DMXL2: variants seen among roughly 807,000 people sequenced by gnomAD.
DMXL2 encodes the protein Dmx like 2, also known as dmX-like protein 2.
DMXL2 carries 103 observed loss-of-function variants against 331.1 expected under a neutral mutation model. The ratio of observed to expected loss-of-function variants is 0.31; its 90% confidence interval spans 0.27 to 0.37. The LOEUF is 0.37. DMXL2 is among the 10% of genes least tolerant of loss of function. The probability of loss-of-function intolerance (pLI) is 1.00; values close to 1 mark genes in which losing one functional copy is unlikely to be tolerated. For missense variants in DMXL2, 3,171 were observed against 3,642.9 expected, an observed-to-expected ratio of 0.87 and a Z score of 3.33; for synonymous variants, 1,281 against 1,252.1, an observed-to-expected ratio of 1.02 and a Z score of -0.49.
intron 40 of DMXL2, among the ~76,000 whole-genome samples, chr15:51,454,802 A>T (rs1449250996): frequency 1.3e-5 from 2 of 152,088 alleles, no homozygotes; most frequent in African/African-American, 4.8e-5. Flanking sequence ...GCAGAACCTG[A>T]TTCTTAATGA....
intron 13 of DMXL2, among the ~76,000 whole-genome samples, chr15:51,529,194 T>TTA (rs2140819701): frequency 6.6e-6 from 1 of 152,006 alleles, no homozygotes; most frequent in African/African-American, 2.4e-5. Context: ...ACGATGACTC[T>TTA]TAAAGAACTA....
Position 51,564,164 on chromosome 15 carries a change from G to A in DMXL2, c.461C>T (p.Pro154Leu). Residue 154 changes from proline to leucine, a missense_variant, in exon 5 of 44, where the codon CCT becomes CTT. Around this residue, in one of 7 missense-constraint regions of DMXL2, gnomAD observed 1,674 missense variants for 1,780.2 expected, o/e 0.94. Transcript: ENST00000560891. The stretch of plus-strand genomic sequence containing the variant: ...ACACTTCCAATCATTTAAAACAGGA[G>A]GAACTGTATTATCAATTTCTTCCTC... ...EEEEEIDNTV[P>L]PVLNDWKCVW... The A allele has an allele frequency of 6.2e-7, 1 of 1,606,116 alleles. No homozygotes were observed.
At chr15:51,494,734 T>A (rs1014491766) in intron 19 of DMXL2, among the ~76,000 whole-genome samples, 6 of 152,196 alleles carry the variant, frequency 3.9e-5, no homozygotes, top group African/African-American at 1.4e-4. Flanking sequence ...AGGGCTACTC[T>A]GTAGACAGCC....
intron 6 of DMXL2, among the ~76,000 whole-genome samples, chr15:51,562,651 G>C (rs2050042353): frequency 1.3e-5 from 2 of 151,530 alleles, no homozygotes; most frequent in African/African-American, 4.8e-5. Context: ...TAGGTATATA[G>C]AAAAAAAAGC....
Position 51,590,508 on chromosome 15 carries a change from A to G in DMXL2, c.88-14327T>C, listed in dbSNP as rs141026911. Among the ~76,000 whole-genome samples the G allele has an allele frequency of 9.6e-3, 1,457 of 152,238 alleles. 20 individuals are homozygous for G. The highest frequency in any genetic ancestry group is 0.034 in the African/African-American group (1,401 of 41,524). On this transcript the variant is annotated intron_variant, in intron 1 of 43. Coordinates refer to ENST00000560891, the MANE Select transcript of DMXL2 (RefSeq NM_001378457.1). ...AGATTTGTCTACTATTCTCTTTTCT[A>G]TATCCTTACAATAAATTTCCCATTA...
At position 51,471,378 on chromosome 15, in the gene DMXL2, T is replaced by A. The variant is rs1405418443; in HGVS notation, c.7237A>T (p.Ile2413Leu). 1 of 1,612,772 alleles carries A rather than the reference T, an allele frequency of 6.2e-7. No homozygotes were observed. The highest frequency in any genetic ancestry group is 2.2e-5 in the East Asian group (1 of 44,850). ...ISAPPVLSED[I>L]DKHRRRFNMR... ...TTAAATCTCCTACGGTGTTTATCTA[T>A]GTCTTCAGAAAGGACAGGAGGTGCT... The change falls in exon 29 of 44, where the codon ATA (isoleucine) becomes TTA (leucine). Residue 2413 changes from isoleucine to leucine, a missense_variant. Around this residue, in one of 7 missense-constraint regions of DMXL2, gnomAD observed 766 missense variants for 940.5 expected, o/e 0.81. Coordinates refer to ENST00000560891, the MANE Select transcript of DMXL2 (RefSeq NM_001378457.1).
In DMXL2 at chr15:51,495,624, CTAGT is replaced by C. The variant is rs376714609; in HGVS notation, c.4673-494_4673-491del. ...AAGATTTAAAATTTGAATACCCAGGCTAGTTAGTGTTACATGGTTAGTTTGAACC... is the reference window on the plus strand; with the variant it reads ...AAGATTTAAAATTTGAATACCCAGGCTAGTGTTACATGGTTAGTTTGAACC... On this transcript the variant is annotated intron_variant, in intron 18 of 43. Transcript: ENST00000560891. Among the ~76,000 whole-genome samples, 72 of 152,234 alleles carry C rather than the reference CTAGT, an allele frequency of 4.7e-4. No homozygotes were observed. In the East Asian group the frequency reaches 0.012, roughly 25 times the overall value.
At chr15:51,461,320 C>T (rs753705086) in intron 33 of DMXL2, among the ~76,000 whole-genome samples, 10 of 152,042 alleles carry the variant, frequency 6.6e-5, no homozygotes, top group African/African-American at 9.7e-5. Context: ...GAAGCAAACT[C>T]GTGGGGAAGG....
intron 6 of DMXL2, among the ~76,000 whole-genome samples, chr15:51,561,479 G>A (rs545051010): frequency 2.6e-5 from 4 of 152,224 alleles, no homozygotes; most frequent in East Asian, 1.9e-4. Flanking sequence ...TGAGGCACCC[G>A]TGGTGGCAGA....
chr15:51,619,793 T>C (rs748738666), intron 1 of DMXL2, among the ~76,000 whole-genome samples: 4 of 152,176 alleles, frequency 2.6e-5, no homozygotes, highest in Non-Finnish European at 4.4e-5. Flanking sequence ...TTCTACACTA[T>C]GTCTGGGAGG....
intron 2 of DMXL2, among the ~76,000 whole-genome samples, chr15:51,574,975 A>G (rs4143723): frequency 0.47 from 72,120 of 152,010 alleles, 17,507 homozygotes; most frequent in Non-Finnish European, 0.52. Context: ...AAAAATTAAA[A>G]AGAGAAATCT....
intron 1 of DMXL2, among the ~76,000 whole-genome samples, chr15:51,601,066 C>A (rs150844056): frequency 2.6e-5 from 4 of 152,008 alleles, no homozygotes; most frequent in East Asian, 3.9e-4. Context: ...CCGAGGCGGG[C>A]GGATCACAAG....
chr15:51,450,708 T>C (rs1318062189), intron 42 of DMXL2: 1 of 183,316 alleles, frequency 5.5e-6, no homozygotes, highest in Non-Finnish European at 1.2e-5. Flanking sequence ...AAAAAGTTCT[T>C]TTCAGGTAAG....
Position 51,476,708 on chromosome 15 carries a change from T to A in DMXL2, c.6845A>T (p.Glu2282Val). 6.3e-7 allele frequency: 1 copy of A among 1,599,750 alleles called. No individual in the cohort carries two copies. The highest frequency in any genetic ancestry group is 8.5e-7 in the Non-Finnish European group (1 of 1,176,424). ...AGCCATTCCTGTAAACTGATTTCCT[T>A]CTGTTTGACTGCTAAAACAAATAGG... The part of the protein sequence containing the change: ...CDSHSYSSQT[E>V]GNQFTGMAYQ... Residue 2282 changes from glutamate to valine, a missense_variant, in exon 27 of 44, where the codon GAA (glutamate) becomes GTA (valine). Glu to Val is a moderately radical substitution (Grantham distance 121, BLOSUM62 -2). This residue lies in a region of DMXL2 where 18 missense variants were observed against 40.9 expected (regional missense o/e 0.44). Transcript: ENST00000560891.
At chr15:51,592,474 C>T (rs1221781454) in intron 1 of DMXL2, among the ~76,000 whole-genome samples, 1 of 152,130 alleles carries the variant, frequency 6.6e-6, no homozygotes, top group African/African-American at 2.4e-5. Flanking sequence ...GACAATGGAA[C>T]CAAGTTGGAA....
intron 11 of DMXL2, among the ~76,000 whole-genome samples, chr15:51,537,085 A>G (rs1003938153): frequency 6.6e-6 from 1 of 152,184 alleles, no homozygotes; most frequent in East Asian, 1.9e-4. Flanking sequence ...TGTACAACAA[A>G]ATGACCACAG....
chr15:51,458,935 A>C, intron 34 of DMXL2, 140 bp from the exon 35 acceptor site: 1 of 740,076 alleles, frequency 1.4e-6, no homozygotes, highest in Admixed American at 2.8e-5. Flanking sequence ...AAAGGGTAAG[A>C]GTAACTTTAA....
rs2053304937 is a variant in DMXL2 at position 51,602,613 on chromosome 15, G to A, written c.87+19846C>T. On this transcript the variant is annotated intron_variant, in intron 1 of 43. Transcript: ENST00000560891. ...CCGGGCTCATCCCCAGGCTGTGCAAGCATAATCTTAAGCTTAAACAGCAGA... is the reference window on the plus strand; with the variant it reads ...CCGGGCTCATCCCCAGGCTGTGCAAACATAATCTTAAGCTTAAACAGCAGA... 2.6e-5 allele frequency among the ~76,000 whole-genome samples: 4 copies of A among 152,168 alleles called. No individual in the cohort carries two copies. In the South Asian group the frequency reaches 6.2e-4, roughly 24 times the overall value.
chr15:51,546,611 T>C (rs1049010678), intron 7 of DMXL2, among the ~76,000 whole-genome samples: 1 of 152,118 alleles, frequency 6.6e-6, no homozygotes, highest in African/African-American at 2.4e-5. Context: ...AAGGAATCAT[T>C]TGTATAAGCT....
Sources: gnomAD v4.1 joint callset for allele counts (sites outside exome capture counted in the v4.1 genomes callset) on GRCh38, gnomAD v4.1.1 for gene constraint, gnomAD v4.1.1 regional missense constraint, MANE v1.5 for transcripts, NCBI Gene and HGNC (gene_info 2026-07-23, HGNC 2026-07-21) for gene names.